The following LAMC2 variants were observed in gnomAD, a reference collection of about 807,000 sequenced individuals.
LAMC2 encodes laminin subunit gamma 2.
A neutral mutation model predicts 140.2 loss-of-function variants in LAMC2; 97 were observed. That is an observed-to-expected ratio of 0.69 (90% CI 0.59 to 0.82). The LOEUF (loss-of-function observed/expected upper bound fraction) is 0.82. LAMC2 is among the 40% of genes least tolerant of loss of function. The pLI, the probability that LAMC2 is intolerant of heterozygous loss-of-function variation, is 0.00. For missense variants in LAMC2, 1,402 were observed against 1,476.1 expected, an observed-to-expected ratio of 0.95 and a Z score of 0.82; for synonymous variants, 513 against 540.2, an observed-to-expected ratio of 0.95 and a Z score of 0.70.
At position 183,231,072 on chromosome 1, in the gene LAMC2, G is replaced by A. The variant is rs763290739; in HGVS notation, c.1826G>A (p.Cys609Tyr). 1.2e-6 allele frequency: 2 copies of A among 1,614,102 alleles called. No individual in the cohort carries two copies. The highest frequency in any genetic ancestry group is 1.1e-5 in the South Asian group (1 of 91,082). The change falls in exon 12 of 23, where the codon TGT becomes TAT. Residue 609 changes from cysteine (C) to tyrosine (Y), a missense_variant. Cys to Tyr is a radical substitution (Grantham distance 194). Coordinates refer to ENST00000264144, the MANE Select transcript of LAMC2 (RefSeq NM_005562.3). ...AACTGTGAGCATGGAGCATTCAGCT[G>A]TCCAGCTTGCTATAATCAAGTGAAG... ...GPNCEHGAFS[C>Y]PACYNQVKIQ...
At chr1:183,229,629 C>A (rs1403839259) in intron 11 of LAMC2, among the ~76,000 whole-genome samples, 1 of 138,554 alleles carries the variant, frequency 7.2e-6, no homozygotes, top group African/African-American at 2.9e-5. Context: ...GCGCAAGACT[C>A]CATCTCAAAA....
chr1:183,253,688 A>C, the LAMC2 span, among the ~76,000 whole-genome samples: 4 of 151,462 alleles, frequency 2.6e-5, no homozygotes, highest in Non-Finnish European at 5.9e-5. Flanking sequence ...GTATCCTTTG[A>C]TCTATATCTC....
At position 183,223,224 on chromosome 1, in the gene LAMC2, C is replaced by A; in HGVS notation, c.853C>A (p.His285Asn). Residue 285 changes from histidine to asparagine, a missense_variant, in exon 7 of 23, where the codon CAT becomes AAT. By Grantham distance (68) the His-to-Asn change is moderately conservative (BLOSUM62 1). Around this residue, in one of 3 missense-constraint regions of LAMC2, gnomAD observed 723 missense variants for 783.3 expected, o/e 0.92. Coordinates refer to ENST00000264144, the MANE Select transcript of LAMC2 (RefSeq NM_005562.3). ...CAGAGGAGGCAGACACCCATCTGCC[C>A]ATGATGTGATTCTGGAAGGTGCTGG... ...VDRGGRHPSA[H>N]DVILEGAGLR... 1 of 1,614,128 alleles carries A rather than the reference C, an allele frequency of 6.2e-7. No homozygotes were observed. The highest frequency in any genetic ancestry group is 8.5e-7 in the Non-Finnish European group (1 of 1,179,966).
rs1182920205 is a variant in LAMC2, at chr1:183,228,499, G to T, written c.1594G>T (p.Asp532Tyr). 2.2e-5 allele frequency: 35 copies of T among 1,613,814 alleles called. No individual in the cohort carries two copies. In the South Asian group the frequency reaches 3.4e-4, roughly 16 times the overall value. ...GGACCCCAGTGCCTCTGGGAATTGT[G>T]ACCGGCTGACAGGCAGGTGTTTGAA... ...NVDPSASGNC[D>Y]RLTGRCLKCI... Residue 532 changes from aspartate (D) to tyrosine (Y), a missense_variant, in exon 11 of 23, where the codon GAC becomes TAC. Asp to Tyr is a radical substitution (Grantham distance 160). Around this residue, in one of 3 missense-constraint regions of LAMC2, gnomAD observed 723 missense variants for 783.3 expected, o/e 0.92. Coordinates refer to ENST00000264144, the MANE Select transcript of LAMC2 (RefSeq NM_005562.3). This position sits in a 1 kb window ranked among gnomAD's most constrained non-coding sequence, Gnocchi z 4.3.
intron 11 of LAMC2, among the ~76,000 whole-genome samples, 171 bp from the exon 12 acceptor site, chr1:183,230,790 C>T (rs561052937): frequency 4.1e-4 from 62 of 152,164 alleles, no homozygotes; most frequent in Non-Finnish European, 6.3e-4. Flanking sequence ...TCCACACACA[C>T]CAGGCAAACC....
At chr1:183,213,480 T>C (rs1217720298) in intron 2 of LAMC2, among the ~76,000 whole-genome samples, 1 of 152,210 alleles carries the variant, frequency 6.6e-6, no homozygotes, top group Non-Finnish European at 1.5e-5. Context: ...CTTGGCTTCA[T>C]AGACTATGGA....
At chr1:183,247,004 T>C (rs1015781127), downstream of LAMC2, among the ~76,000 whole-genome samples, 1 of 152,238 alleles carries the variant, frequency 6.6e-6, no homozygotes, top group African/African-American at 2.4e-5. Flanking sequence ...AACCAGTGTT[T>C]ATATTTCACT....
chr1:183,232,547 T>G (rs1169294199), intron 13 of LAMC2, 105 bp from the exon 14 acceptor site: 1 of 1,161,412 alleles, frequency 8.6e-7, no homozygotes, highest in South Asian at 1.3e-5. Context: ...ATTTCTCTAT[T>G]GGGTTTTTGT....
intron 11 of LAMC2, among the ~76,000 whole-genome samples, chr1:183,229,436 A>G (rs546630347): frequency 7.2e-5 from 11 of 152,222 alleles, no homozygotes; most frequent in African/African-American, 2.6e-4. Flanking sequence ...TGTGAGTTCA[A>G]GACCAGCCTG....
chr1:183,238,328 CG>C lies in LAMC2; in HGVS notation c.2777del (p.Arg926LeufsTer13), dbSNP rs1558098672. On this transcript the variant is annotated frameshift_variant, in exon 19 of 23. Transcript: ENST00000264144. LOFTEE classifies it high-confidence loss of function. ...ACAGAAATCAGATCAGCTGCTTTCC[CG>C]TGCCAATCTTGCTAAAAGCAGAGCA... ...GREKSDQLLS[R>X]ANLAKSRAQE... The C allele has an allele frequency of 6.2e-7, 1 of 1,613,858 alleles. No homozygotes were observed. The highest frequency in any genetic ancestry group is 8.5e-7 in the Non-Finnish European group (1 of 1,179,824).
chr1:183,237,599 C>T, intron 18 of LAMC2, 95 bp downstream of exon 18: 1 of 1,222,002 alleles, frequency 8.2e-7, no homozygotes, highest in Admixed American at 2.0e-5. Context: ...AGCTCTCTGA[C>T]CAGGCACGGT....
intron 22 of LAMC2, chr1:183,240,616 G>C: frequency 1.4e-6 from 2 of 1,422,188 alleles, no homozygotes; most frequent in Non-Finnish European, 1.8e-6. Flanking sequence ...TATTGCACTT[G>C]GGGGTAAAGG....
At chr1:183,231,524 G>T (rs573073864) in intron 12 of LAMC2, among the ~76,000 whole-genome samples, 2 of 152,214 alleles carry the variant, frequency 1.3e-5, no homozygotes, top group South Asian at 4.2e-4. Flanking sequence ...TCACTTTCCA[G>T]CTCGATTTCT....
chr1:183,241,581 C>T (rs904026081), intron 22 of LAMC2, among the ~76,000 whole-genome samples: 4 of 152,192 alleles, frequency 2.6e-5, no homozygotes, highest in Admixed American at 1.3e-4. Flanking sequence ...ACTAGAGATT[C>T]GTCACAGATT....
chr1:183,230,821 C>T, intron 11 of LAMC2, 140 bp from the exon 12 acceptor site: 2 of 950,404 alleles, frequency 2.1e-6, no homozygotes. Context: ...TTCCTAAGAC[C>T]TATCTGTATT....
At chr1:183,226,561 C>A in intron 8 of LAMC2, 137 bp from the exon 9 acceptor site, 1 of 771,316 alleles carries the variant, frequency 1.3e-6, no homozygotes, top group Non-Finnish European at 2.2e-6. Context: ...GACTGCCATA[C>A]CTCTCTACAT....
In LAMC2 at chr1:183,243,139, T is replaced by C; in HGVS notation, c.3329-8T>C. On this transcript the variant is annotated splice_polypyrimidine_tract_variant and splice_region_variant and intron_variant, in intron 22 of 22. Coordinates refer to ENST00000264144, the MANE Select transcript of LAMC2 (RefSeq NM_005562.3). ...CTATGTTAACTTGTGTCTCATTCCT[T>C]GAAATAGACCAGCCTCTCAGTGTAG... 6.2e-7 allele frequency: 1 copy of C among 1,614,086 alleles called. No individual in the cohort carries two copies. The highest frequency in any genetic ancestry group is 8.5e-7 in the Non-Finnish European group (1 of 1,180,004).
At chr1:183,235,538 G>A (rs1488491314) in intron 15 of LAMC2, 37 bp from the exon 16 acceptor site, 6 of 1,612,930 alleles carry the variant, frequency 3.7e-6, no homozygotes, top group South Asian at 3.3e-5. Flanking sequence ...AGCCCTTTGC[G>A]TGAAAACTCT....
Position 183,243,501 on chromosome 1 carries a change from T to A in LAMC2, c.*101T>A. The stretch of plus-strand genomic sequence containing the variant: ...GGTGGGATGGGGACATTTGAACATG[T>A]TTAATGGGTATGCTCAGGTCAACTG... On this transcript the variant is annotated 3_prime_UTR_variant, in exon 23 of 23. Transcript: ENST00000264144. The A allele has an allele frequency of 6.9e-7, 1 of 1,451,086 alleles. No homozygotes were observed. The highest frequency in any genetic ancestry group is 1.1e-5 in the South Asian group (1 of 87,104). 89.9% of individuals were successfully genotyped at this position (1,451,086 alleles called of 1,614,324 possible).
Sources: allele counts gnomAD v4.1 joint callset (sites outside exome capture counted in the v4.1 genomes callset), GRCh38; gene constraint gnomAD v4.1.1; regional missense constraint gnomAD v4.1.1; non-coding constraint Gnocchi (gnomAD v3.1); transcripts MANE v1.5; gene names NCBI Gene and HGNC (gene_info 2026-07-23, HGNC 2026-07-21).